NXF1: variants seen among roughly 807,000 people sequenced by gnomAD.
NXF1 encodes nuclear RNA export factor 1, also known as mRNA export factor TAP.
A neutral mutation model predicts 92.4 loss-of-function variants in NXF1; 43 were observed. That is an observed-to-expected ratio of 0.47 (90% CI 0.36 to 0.60). NXF1 has a LOEUF of 0.60. NXF1 is among the 20% of genes least tolerant of loss of function. NXF1 has a pLI of 0.00. For synonymous variants in NXF1, 288 were observed against 292.2 expected, an observed-to-expected ratio of 0.99 and a Z score of 0.15; for missense variants, 576 against 793.0, an observed-to-expected ratio of 0.73 and a Z score of 3.29.
At position 62,798,530 on chromosome 11, in the gene NXF1, T is replaced by C. The variant is rs1391635866; in HGVS notation, c.1053+9A>G. 4.3e-6 allele frequency: 7 copies of C among 1,614,062 alleles called. No homozygotes were observed. The highest frequency in any genetic ancestry group is 2.7e-5 in the African/African-American group (2 of 75,028). On this transcript the variant is annotated intron_variant, in intron 11 of 20. Coordinates refer to ENST00000294172, the MANE Select transcript of NXF1 (RefSeq NM_006362.5). ...TGTGCTTGTTAGAATGAAAAAATTA[T>C]GGACTTACCAGGCGTAGTAACTTGG...
intron 1 of NXF1, 124 bp downstream of exon 1, chr11:62,805,205 C>A (rs1354916949): frequency 6.7e-6 from 6 of 889,292 alleles, no homozygotes; most frequent in Non-Finnish European, 9.2e-6. Flanking sequence ...CCCGGCCCCC[C>A]GCGCGCCGCT....
intron 11 of NXF1, 52 bp downstream of exon 11, chr11:62,798,487 C>G: frequency 1.3e-6 from 2 of 1,597,496 alleles, no homozygotes; most frequent in East Asian, 4.5e-5. Flanking sequence ...TCCAGGAATC[C>G]TTGTGAGTGA....
rs563315272 is a variant in NXF1 at position 62,805,310 on chromosome 11, C to T, written c.28+19G>A. On this transcript the variant is annotated intron_variant, in intron 1 of 20. Transcript: ENST00000294172. ...CGCGCCCCAGATAGCCAGTTCCCGACCCGAAGACCAGCACTTACCGCTGTA... is the reference window on the plus strand; with the variant it reads ...CGCGCCCCAGATAGCCAGTTCCCGATCCGAAGACCAGCACTTACCGCTGTA... 1 of 1,600,858 alleles carries T rather than the reference C, an allele frequency of 6.2e-7. No homozygotes were observed. The highest frequency in any genetic ancestry group is 1.7e-5 in the Admixed American group (1 of 58,346).
chr11:62,796,621 G>A, intron 13 of NXF1, 54 bp from the exon 14 acceptor site: 1 of 1,193,744 alleles, frequency 8.4e-7, no homozygotes, highest in East Asian at 2.4e-5. Context: ...AGCCATACAA[G>A]GACCCAGTAG....
chr11:62,792,282 C>T lies in NXF1; in HGVS notation c.*194G>A. The T allele has an allele frequency of 1.3e-6, 1 of 753,030 alleles. No homozygotes were observed. Among genetic ancestry groups the T allele is most frequent in the South Asian group, 1.6e-5 (1 of 61,342 alleles). The allele number at this position is 753,030 out of a possible 1,614,324, so 46.6% of individuals were successfully genotyped here. ...AGTTCTACAAAGTAAGCTTTGGCTT[C>T]CTGGCACCAGTGAGGCTCAATCTTC... On this transcript the variant is annotated 3_prime_UTR_variant, in exon 21 of 21. Coordinates refer to ENST00000294172, the MANE Select transcript of NXF1 (RefSeq NM_006362.5).
At chr11:62,792,872 C>T (rs1241691633) in intron 19 of NXF1, 171 bp from the exon 20 acceptor site, 1 of 612,020 alleles carries the variant, frequency 1.6e-6, no homozygotes, top group African/African-American at 1.9e-5. Context: ...CTACCAATGG[C>T]TTCTCAAAGA....
At position 62,800,415 on chromosome 11, in the gene NXF1, G is replaced by T; in HGVS notation, c.978C>A (p.Ser326=). The T allele has an allele frequency of 6.2e-7, 1 of 1,614,020 alleles. No individual in the cohort carries two copies. The highest frequency in any genetic ancestry group is 8.5e-7 in the Non-Finnish European group (1 of 1,179,970). ...KLEELWLDGN[S]LCDTFRDQST... is the part of the protein sequence containing the mutation. Reference sequence around the variant, plus strand: ...ACTGGTCTCGGAAGGTGTCACACAGGGAGTTTCCATCGAGCCAGAGCTCTT... The same window carrying T: ...ACTGGTCTCGGAAGGTGTCACACAGTGAGTTTCCATCGAGCCAGAGCTCTT... Residue 326 remains serine, a synonymous_variant, in exon 10 of 21, where the codon TCC becomes TCA. Coordinates refer to ENST00000294172, the MANE Select transcript of NXF1 (RefSeq NM_006362.5).
rs1484412284 is a variant in NXF1, at chr11:62,796,581, A to C, written c.1179-14T>G. 1 of 1,566,512 alleles carries C rather than the reference A, an allele frequency of 6.4e-7. No individual in the cohort carries two copies. The highest frequency in any genetic ancestry group is 8.8e-7 in the Non-Finnish European group (1 of 1,136,456). On this transcript the variant is annotated splice_polypyrimidine_tract_variant and intron_variant, in intron 13 of 20. Transcript: ENST00000294172. Reference sequence around the variant, plus strand: ...ATTGCATAGTACCTATGGGAAAAACAAAAAAGAAAGTATGGGCTCTGTGGT... The same window carrying C: ...ATTGCATAGTACCTATGGGAAAAACCAAAAAGAAAGTATGGGCTCTGTGGT...
At chr11:62,802,139 T>A in intron 4 of NXF1, 38 bp downstream of exon 4, 1 of 1,609,986 alleles carries the variant, frequency 6.2e-7, no homozygotes, top group Non-Finnish European at 8.5e-7. Flanking sequence ...TCACCATCCC[T>A]GGTGCCTGGC....
intron 10 of NXF1, chr11:62,799,814 G>A (rs989460983): frequency 1.0e-6 from 1 of 986,046 alleles, no homozygotes; most frequent in South Asian, 4.7e-5. Flanking sequence ...GGGCAAGAGA[G>A]ACAGATTGCA....
chr11:62,795,302 C>T (rs1206610482), intron 17 of NXF1: 1 of 274,530 alleles, frequency 3.6e-6, no homozygotes, highest in South Asian at 7.0e-5. Context: ...ATGGCGAAAC[C>T]CCTTCTCTAC....
chr11:62,804,139 C>G, intron 1 of NXF1, 161 bp from the exon 2 acceptor site: 3 of 1,546,732 alleles, frequency 1.9e-6, no homozygotes, highest in Admixed American at 1.9e-5. Context: ...AAAGAACCCT[C>G]TCTGTGGGAG....
intron 10 of NXF1, chr11:62,798,939 C>T (rs77610501): frequency 1.9e-6 from 2 of 1,072,592 alleles, no homozygotes; most frequent in Non-Finnish European, 2.3e-6. Context: ...AGGGGCTCCG[C>T]TGCCTCACCA....
In NXF1 at chr11:62,805,332, T is replaced by C. The variant is rs774758326; in HGVS notation, c.25A>G (p.Ser9Gly). The change falls in exon 1 of 21, where the codon AGC (serine) becomes GGC (glycine). Residue 9 changes from serine to glycine, a missense_variant. Transcript: ENST00000294172. The part of the protein sequence containing the change: MADEGKSY[S>G]EHDDERVNFP... ...CGACCCGAAGACCAGCACTTACCGC[T>C]GTACGACTTCCCCTCGTCCGCCATG... 1.9e-6 allele frequency: 3 copies of C among 1,611,292 alleles called. No individual in the cohort carries two copies. Among genetic ancestry groups the C allele is most frequent in the Non-Finnish European group, 2.5e-6 (3 of 1,178,810 alleles).
In NXF1 at chr11:62,796,685, A is replaced by G. The variant is rs2084423669; in HGVS notation, c.1179-118T>C. ...GGAAGCTCATGCCTGTAATCCCAGC[A>G]CTTTGGGAGGCTGAGATGGGTGAAT... is the stretch of plus-strand genomic sequence containing the variant. On this transcript the variant is annotated intron_variant, in intron 13 of 20. Coordinates refer to ENST00000294172, the MANE Select transcript of NXF1 (RefSeq NM_006362.5). 4.4e-6 allele frequency: 3 copies of G among 688,102 alleles called. No individual in the cohort carries two copies. The South Asian group carries it at 5.1e-5, about 12-fold the overall frequency. The allele number at this position is 688,102 out of a possible 1,614,324, so 42.6% of individuals were successfully genotyped here.
chr11:62,804,152 C>G (rs2084510029), intron 1 of NXF1, 174 bp from the exon 2 acceptor site: 1 of 1,538,564 alleles, frequency 6.5e-7, no homozygotes, highest in African/African-American at 1.4e-5. Flanking sequence ...TGTGGGAGGG[C>G]AGCATCAGGG....
chr11:62,798,467 A>C (rs2084444380), intron 11 of NXF1, 72 bp downstream of exon 11: 1 of 1,562,432 alleles, frequency 6.4e-7, no homozygotes. Context: ...GAAAAAGAAA[A>C]AGAAACCTAT....
At chr11:62,804,052 G>C in intron 1 of NXF1, 74 bp from the exon 2 acceptor site, 1 of 1,599,760 alleles carries the variant, frequency 6.3e-7, no homozygotes, top group Non-Finnish European at 8.5e-7. Flanking sequence ...ATAGCTTCTA[G>C]TACTCTGAAC....
At position 62,803,493 on chromosome 11, in the gene NXF1, C is replaced by G. The variant is rs1465916924; in HGVS notation, c.295G>C (p.Asp99His). The G allele has an allele frequency of 6.2e-7, 1 of 1,614,076 alleles. No individual in the cohort carries two copies. The highest frequency in any genetic ancestry group is 2.2e-5 in the East Asian group (1 of 44,870). The change falls in exon 3 of 21, where the codon GAC becomes CAC. Residue 99 changes from aspartate (D) to histidine (H), a missense_variant. Physicochemically the swap from Asp to His is moderately conservative, Grantham distance 81. Around this residue, in one of 2 missense-constraint regions of NXF1, gnomAD observed 151 missense variants for 157.8 expected, o/e 0.96. Coordinates refer to ENST00000294172, the MANE Select transcript of NXF1 (RefSeq NM_006362.5). ...CCTCCTCTCTCTGGAGGAGCTCTGT[C>G]TCTCCGCACAGTAACATGAATGCGA... ...RDRIHVTVRRDRAPPERGGAG... is the reference protein window; with the variant it reads ...RDRIHVTVRRHRAPPERGGAG...
Sources: gnomAD v4.1 joint callset for allele counts on GRCh38, gnomAD v4.1.1 for gene constraint, gnomAD v4.1.1 regional missense constraint, MANE v1.5 for transcripts, NCBI Gene and HGNC (gene_info 2026-07-23, HGNC 2026-07-21) for gene names.